Variants in SLA2 observed in about 807,000 individuals in gnomAD.
SLA2 encodes the protein Src like adaptor 2, also known as src-like-adapter 2.
Under a neutral mutation model 27.3 loss-of-function variants are expected in SLA2, and 22 were observed. The ratio of observed to expected loss-of-function variants is 0.81; its 90% CI spans 0.58 to 1.15. SLA2 has a LOEUF of 1.15. Ranked by LOEUF, SLA2 falls within the 50% of genes most tolerant of loss-of-function variation. SLA2 has a pLI of 0.00. For synonymous variants in SLA2, 131 were observed against 137.8 expected (o/e 0.95, Z 0.34); for missense variants, 304 against 322.2 (o/e 0.94, Z 0.43).
At chr20:36,615,190 C>T (rs930776518) in intron 6 of SLA2, 35 bp downstream of exon 6, 2 of 1,613,652 alleles carry the variant, frequency 1.2e-6, no homozygotes, top group African/African-American at 2.7e-5. Context: ...CACAGACTAT[C>T]CCAGCCTAGT....
intron 1 of SLA2, among the ~76,000 whole-genome samples, chr20:36,642,690 A>G (rs1318670692): frequency 6.6e-6 from 1 of 151,928 alleles, no homozygotes; most frequent in Non-Finnish European, 1.5e-5. Context: ...GGTTCAAGCG[A>G]TTCTCCTGCC....
chr20:36,621,357 C>T (rs1163828983), intron 5 of SLA2: 2 of 612,258 alleles, frequency 3.3e-6, no homozygotes, highest in South Asian at 1.4e-5. Context: ...GAAGCTCAGG[C>T]AGTCCCTATG....
At chr20:36,631,124 G>A (rs2039389505) in intron 5 of SLA2, among the ~76,000 whole-genome samples, 1 of 152,212 alleles carries the variant, frequency 6.6e-6, no homozygotes, top group African/African-American at 2.4e-5. Flanking sequence ...TGTGTTGGCT[G>A]AGCCTAGATC....
chr20:36,645,569 T>C (rs1978287407), intron 1 of SLA2, among the ~76,000 whole-genome samples: 1 of 152,084 alleles, frequency 6.6e-6, no homozygotes, highest in African/African-American at 2.4e-5. Flanking sequence ...AGTGCGCACC[T>C]GAGATGGGAC....
At chr20:36,634,272 T>C (rs1168725850) in intron 3 of SLA2, among the ~76,000 whole-genome samples, 1 of 151,872 alleles carries the variant, frequency 6.6e-6, no homozygotes, top group African/African-American at 2.4e-5. Flanking sequence ...AGGTGTGAGC[T>C]ACCACGCCTG....
At position 36,622,377 on chromosome 20, in the gene SLA2, G is replaced by A. The variant is rs184230115; in HGVS notation, c.383-7003C>T. On this transcript the variant is annotated intron_variant, in intron 5 of 7. Coordinates refer to ENST00000262866, the MANE Select transcript of SLA2 (RefSeq NM_032214.4). ...TCTCAAAAAAAAAAAACAAAAAACT[G>A]AAAAACCACGATCACCTGAAAAAAT... Among the ~76,000 whole-genome samples, 478 of 145,472 alleles carry A rather than the reference G, an allele frequency of 3.3e-3. 2 individuals carry two copies. The highest frequency in any genetic ancestry group is 4.6e-3 in the Admixed American group (66 of 14,494).
At chr20:36,636,192 T>C (rs955421426) in intron 2 of SLA2, among the ~76,000 whole-genome samples, 1 of 144,928 alleles carries the variant, frequency 6.9e-6, no homozygotes. Context: ...CCGAGGCGGG[T>C]GGATCATGAG....
chr20:36,638,991 C>T (rs1248337504), intron 2 of SLA2, among the ~76,000 whole-genome samples: 1 of 152,100 alleles, frequency 6.6e-6, no homozygotes, highest in Non-Finnish European at 1.5e-5. Context: ...AGATTACAGG[C>T]GTGCGCCACC....
intron 5 of SLA2, chr20:36,620,280 CAG>C (rs1465077849): frequency 2.6e-5 from 4 of 151,560 alleles, no homozygotes; most frequent in South Asian, 2.0e-4. Flanking sequence ...TCCAGCTACT[CAG>C]GGAGCTAAGA....
In SLA2 at chr20:36,612,418, C is replaced by CTA; in HGVS notation, c.*1446_*1447dup. 1.6e-6 allele frequency: 1 copy of CTA among 619,030 alleles called. No homozygotes were observed. Among genetic ancestry groups the CTA allele is most frequent in the South Asian group, 2.0e-5 (1 of 50,770 alleles). 38.3% of individuals were successfully genotyped at this position (619,030 alleles called of 1,614,324 possible). A position where few individuals can be genotyped will look rare whatever the true frequency, so the allele number is the denominator to read the frequency against. On this transcript the variant is annotated 3_prime_UTR_variant, in exon 8 of 8. Transcript: ENST00000262866. Reference sequence around the variant, plus strand: ...CTCCATCGGGTGTAGAGTTTTTAAACTATCAATGGCATTTCAAGTCTTCTG... The same window carrying CTA: ...CTCCATCGGGTGTAGAGTTTTTAAACTATATCAATGGCATTTCAAGTCTTCTG...
chr20:36,632,581 C>A lies in SLA2; in HGVS notation c.382+14G>T. ...CACGTAGGGAGGGCCTGGGCTGGCA[C>A]CGAGCTTACTCACCTCTCCTGGTCT... On this transcript the variant is annotated intron_variant, in intron 5 of 7. Coordinates refer to ENST00000262866, the MANE Select transcript of SLA2 (RefSeq NM_032214.4). 6 of 1,608,584 alleles carry A rather than the reference C, an allele frequency of 3.7e-6. No individual in the cohort carries two copies. Among genetic ancestry groups the A allele is most frequent in the Non-Finnish European group, 3.4e-6 (4 of 1,175,104 alleles).
Position 36,614,964 on chromosome 20 carries a change from G to C in SLA2, c.532+261C>G, listed in dbSNP as rs988950794. On this transcript the variant is annotated intron_variant, in intron 6 of 7. Coordinates refer to ENST00000262866, the MANE Select transcript of SLA2 (RefSeq NM_032214.4). ...GAGAGAACTCTGCCTGCTGCCAGGG[G>C]CTCTGAGTCAGAACCAGAGTGGTAG... 3.0e-6 allele frequency: 3 copies of C among 985,292 alleles called. No homozygotes were observed. The African/African-American group carries it at 5.2e-5, about 17-fold the overall frequency. The allele number at this position is 985,292 out of a possible 1,614,324, so 61.0% of individuals were successfully genotyped here. A position where few individuals can be genotyped will look rare whatever the true frequency, so the allele number is the denominator to read the frequency against.
chr20:36,631,663 G>A (rs990064746), intron 5 of SLA2, among the ~76,000 whole-genome samples: 2 of 152,156 alleles, frequency 1.3e-5, no homozygotes, highest in Non-Finnish European at 2.9e-5. Context: ...CTCAAATAGA[G>A]GTATGTTTCC....
chr20:36,644,686 C>T (rs1178699580), intron 1 of SLA2, among the ~76,000 whole-genome samples: 2 of 152,130 alleles, frequency 1.3e-5, no homozygotes, highest in African/African-American at 4.8e-5. Context: ...ATACAATGGG[C>T]CAGCCTAGGA....
At chr20:36,644,522 G>GC (rs1353853227) in intron 1 of SLA2, among the ~76,000 whole-genome samples, 1 of 152,186 alleles carries the variant, frequency 6.6e-6, no homozygotes, top group African/African-American at 2.4e-5. Context: ...CCTTCCTGCC[G>GC]CAGGTGGAGC....
Position 36,613,992 on chromosome 20 carries a change from G to A in SLA2, c.666-6C>T, listed in dbSNP as rs1234512000. ...CTTCAGAAAACAGGAGGGAGCTGTG[G>A]ACAAAGGAAGATAATTGGGTCAAGA... On this transcript the variant is annotated splice_polypyrimidine_tract_variant and splice_region_variant and intron_variant, in intron 7 of 7. Coordinates refer to ENST00000262866, the MANE Select transcript of SLA2 (RefSeq NM_032214.4). 2 of 1,613,460 alleles carry A rather than the reference G, an allele frequency of 1.2e-6. No individual in the cohort carries two copies. Among genetic ancestry groups the A allele is most frequent in the South Asian group, 1.1e-5 (1 of 91,056 alleles).
chr20:36,637,848 C>A (rs1410664226), intron 2 of SLA2, among the ~76,000 whole-genome samples: 3 of 143,752 alleles, frequency 2.1e-5, no homozygotes, highest in Non-Finnish European at 3.0e-5. Context: ...AGGTTGATCT[C>A]GAACTCTTGA....
rs531479699 is a variant in SLA2, at chr20:36,638,016, C to T, written c.91+3229G>A. 2.1e-3 allele frequency among the ~76,000 whole-genome samples: 322 copies of T among 150,478 alleles called. 1 individual carries two copies. The highest frequency in any genetic ancestry group is 7.3e-3 in the African/African-American group (297 of 40,932). On this transcript the variant is annotated intron_variant, in intron 2 of 7. Coordinates refer to ENST00000262866, the MANE Select transcript of SLA2 (RefSeq NM_032214.4). ...AAGTGATTCTCCTGCCTCAGCCTCC[C>T]GAGTAGGTGGGATTACAGGCACCCA...
At chr20:36,644,682 T>TA (rs1978286284) in intron 1 of SLA2, among the ~76,000 whole-genome samples, 2 of 152,158 alleles carry the variant, frequency 1.3e-5, no homozygotes, top group Non-Finnish European at 2.9e-5. Context: ...GACCATACAA[T>TA]GGGCCAGCCT....
Sources: gnomAD v4.1 joint callset for allele counts (sites outside exome capture counted in the v4.1 genomes callset) on GRCh38, gnomAD v4.1.1 for gene constraint, MANE v1.5 for transcripts, NCBI Gene and HGNC (gene_info 2026-07-23, HGNC 2026-07-21) for gene names.